Variants in BTBD9 observed in about 807,000 individuals in gnomAD.
The protein encoded by BTBD9 is BTB domain containing 9.
In BTBD9, 49 loss-of-function variants were observed where a neutral mutation model predicts 64.3. That is an observed-to-expected ratio of 0.76 (90% CI 0.61 to 0.97). BTBD9 has a LOEUF of 0.97. Among genes scored for constraint, BTBD9 ranks in the 50% least tolerant of loss-of-function variants. The pLI, the probability that BTBD9 is intolerant of heterozygous loss-of-function variation, is 0.00. For missense variants in BTBD9, 598 were observed against 762.1 expected (o/e 0.78, Z 2.53); for synonymous variants, 260 against 274.7 (o/e 0.95, Z 0.53).
At position 38,357,227 on chromosome 6, in the gene BTBD9, CTT is replaced by C. The variant is rs139888549; in HGVS notation, c.1155-12136_1155-12135del. The stretch of plus-strand genomic sequence containing the variant: ...CCTCACAGTAGCCCTTCCCTACCCA[CTT>C]CATTCATCACAGTTTCAGAGGTACC... On this transcript the variant is annotated intron_variant, in intron 6 of 10. Coordinates refer to ENST00000481247, the MANE Select transcript of BTBD9 (RefSeq NM_001099272.2). Among the ~76,000 whole-genome samples the C allele has an allele frequency of 6.9e-3, 1,056 of 152,274 alleles. 10 individuals are homozygous for C. Among genetic ancestry groups the C allele is most frequent in the African/African-American group, 0.024 (987 of 41,544 alleles).
chr6:38,441,489 T>C (rs1158898556), intron 6 of BTBD9, among the ~76,000 whole-genome samples: 1 of 152,160 alleles, frequency 6.6e-6, no homozygotes, highest in Admixed American at 6.5e-5. Context: ...GAGCCAATCA[T>C]GGCTCACGGC....
intron 6 of BTBD9, among the ~76,000 whole-genome samples, chr6:38,363,518 G>T (rs1477808861): frequency 2.0e-5 from 3 of 152,216 alleles, no homozygotes; most frequent in Non-Finnish European, 4.4e-5. Flanking sequence ...GCTGGAGGCT[G>T]CAGTGAGCTA....
chr6:38,338,426 G>A (rs1179150502), intron 7 of BTBD9, among the ~76,000 whole-genome samples: 1 of 152,142 alleles, frequency 6.6e-6, no homozygotes, highest in Non-Finnish European at 1.5e-5. Flanking sequence ...CCACAGATAA[G>A]GGGGTCTACT....
intron 10 of BTBD9, chr6:38,179,469 G>C (rs72853675): frequency 0.055 from 25,180 of 456,742 alleles, 846 homozygotes; most frequent in Non-Finnish European, 0.074. Flanking sequence ...GCAGGTCCCA[G>C]GGCTCCAGTT....
chr6:38,247,559 T>C lies in BTBD9; in HGVS notation c.1562+8850A>G, dbSNP rs983756430. Among the ~76,000 whole-genome samples, 6 of 152,226 alleles carry C rather than the reference T, an allele frequency of 3.9e-5. No individual in the cohort carries two copies. In the South Asian group the frequency reaches 8.3e-4, roughly 21 times the overall value. Reference sequence around the variant, plus strand: ...TCCCAACATTAGGTTGCTGTAGAGATTGCCTGCTCCAAGGAGGTGCTCTAA... The same window carrying C: ...TCCCAACATTAGGTTGCTGTAGAGACTGCCTGCTCCAAGGAGGTGCTCTAA... On this transcript the variant is annotated intron_variant, in intron 9 of 10. Coordinates refer to ENST00000481247, the MANE Select transcript of BTBD9 (RefSeq NM_001099272.2).
At chr6:38,369,765 G>A (rs1765343017) in intron 6 of BTBD9, among the ~76,000 whole-genome samples, 2 of 152,206 alleles carry the variant, frequency 1.3e-5, no homozygotes, top group Admixed American at 6.5e-5. Context: ...GGCTCTTCAG[G>A]TACCTGACTA....
At chr6:38,606,441 A>AT (rs1777435487) in intron 1 of BTBD9, among the ~76,000 whole-genome samples, 1 of 152,222 alleles carries the variant, frequency 6.6e-6, no homozygotes, top group Non-Finnish European at 1.5e-5. Flanking sequence ...AATGGCCAAT[A>AT]TGACAACTTT....
intron 6 of BTBD9, among the ~76,000 whole-genome samples, chr6:38,379,008 C>T (rs1382066858): frequency 6.6e-6 from 1 of 152,080 alleles, no homozygotes; most frequent in Non-Finnish European, 1.5e-5. Flanking sequence ...CAAACCCGGA[C>T]ATTTTTAAGT....
At chr6:38,500,095 T>C (rs1469412410) in intron 6 of BTBD9, among the ~76,000 whole-genome samples, 1 of 152,120 alleles carries the variant, frequency 6.6e-6, no homozygotes, top group African/African-American at 2.4e-5. Context: ...CATGTGGCAA[T>C]GGAAATGGTC....
chr6:38,415,916 C>T (rs557858243), intron 6 of BTBD9, among the ~76,000 whole-genome samples: 4 of 152,080 alleles, frequency 2.6e-5, no homozygotes, highest in South Asian at 4.2e-4. Flanking sequence ...TCACTGACTT[C>T]GGGATCAAGT....
chr6:38,175,290 G>C, intron 10 of BTBD9, 108 bp from the exon 11 acceptor site: 1 of 1,152,536 alleles, frequency 8.7e-7, no homozygotes, highest in South Asian at 1.4e-5. Flanking sequence ...CACCACGAGG[G>C]AGTTAGAGGA....
chr6:38,586,466 G>C (rs1350431974), intron 4 of BTBD9, among the ~76,000 whole-genome samples: 2 of 151,664 alleles, frequency 1.3e-5, no homozygotes, highest in African/African-American at 4.8e-5. Context: ...AGGACATGCA[G>C]CTCTAAGAAT....
intron 6 of BTBD9, among the ~76,000 whole-genome samples, chr6:38,470,119 T>C (rs1410895214): frequency 6.6e-6 from 1 of 152,192 alleles, no homozygotes; most frequent in Non-Finnish European, 1.5e-5. Context: ...AAATTTCAAT[T>C]CCTTATTAAA....
chr6:38,387,494 G>A (rs553028856), intron 6 of BTBD9, among the ~76,000 whole-genome samples: 113 of 152,174 alleles, frequency 7.4e-4, no homozygotes, highest in African/African-American at 2.6e-3. Flanking sequence ...CTGAGATCAC[G>A]CCACTGCACT....
intron 7 of BTBD9, among the ~76,000 whole-genome samples, chr6:38,314,328 T>TGCCTCAGACTCCTGCCTCAGACTCC (rs1379720686): frequency 1.3e-5 from 2 of 151,408 alleles, no homozygotes; most frequent in Non-Finnish European, 3.0e-5. Flanking sequence ...CCGGAGTAGC[T>TGCCTCAGACTCCTGCCTCAGACTCC]GGGACTACAG....
intron 6 of BTBD9, among the ~76,000 whole-genome samples, chr6:38,359,376 G>A (rs553214491): frequency 6.6e-6 from 1 of 152,280 alleles, no homozygotes; most frequent in Admixed American, 6.5e-5. Flanking sequence ...ACAGACGAGA[G>A]CATGAAAAGG....
At chr6:38,426,311 G>C (rs1405593677) in intron 6 of BTBD9, among the ~76,000 whole-genome samples, 1 of 151,934 alleles carries the variant, frequency 6.6e-6, no homozygotes, top group Non-Finnish European at 1.5e-5. Flanking sequence ...AGGAGGTAAA[G>C]AAATAGCCAA....
At chr6:38,621,309 C>G (rs1777973250) in intron 1 of BTBD9, among the ~76,000 whole-genome samples, 2 of 152,218 alleles carry the variant, frequency 1.3e-5, no homozygotes, top group African/African-American at 4.8e-5. Context: ...CGGCCCTCAA[C>G]CCTGCTACTT....
intron 4 of BTBD9, among the ~76,000 whole-genome samples, chr6:38,582,545 G>GA (rs1776339106): frequency 6.6e-6 from 1 of 152,200 alleles, no homozygotes; most frequent in Non-Finnish European, 1.5e-5. Flanking sequence ...GTTTTTAACA[G>GA]AATATTCTGC....
Sources: allele counts gnomAD v4.1 joint callset (sites outside exome capture counted in the v4.1 genomes callset), GRCh38; gene constraint gnomAD v4.1.1; transcripts MANE v1.5; gene names NCBI Gene and HGNC (gene_info 2026-07-23, HGNC 2026-07-21).